The following ZNF777 variants were observed in gnomAD, a reference collection of about 807,000 sequenced individuals.
The protein encoded by ZNF777 is zinc finger protein 777.
ZNF777 carries 7 observed loss-of-function variants against 72.1 expected under a neutral mutation model. The observed-to-expected ratio is 0.10, with a 90% CI of 0.06 to 0.18. ZNF777 has a LOEUF of 0.18. Ranked by LOEUF, ZNF777 falls within the 10% of genes least tolerant of loss-of-function variation. The probability of loss-of-function intolerance (pLI) is 1.00; values close to 1 mark genes in which losing one functional copy is unlikely to be tolerated. For missense variants in ZNF777, 828 were observed against 1,128.6 expected, an observed-to-expected ratio of 0.73 and a Z score of 3.82; for synonymous variants, 545 against 483.5, an observed-to-expected ratio of 1.13 and a Z score of -1.67.
chr7:149,459,721 T>C lies in ZNF777; in HGVS notation c.-16+1094A>G, dbSNP rs1799907492. The C allele has an allele frequency of 2.3e-5, 23 of 985,072 alleles. No individual in the cohort carries two copies. In the South Asian group the frequency reaches 9.9e-4, roughly 42 times the overall value. 61.0% of individuals were successfully genotyped at this position (985,072 alleles called of 1,614,324 possible). A position where few individuals can be genotyped will look rare whatever the true frequency, so the allele number is the denominator to read the frequency against. ...GGTGTCTGTGCCTCAGTGTCTCCGT[T>C]CTGCGAAATGGGAGAGCCGCGTCAG... On this transcript the variant is annotated intron_variant, in intron 1 of 5. Transcript: ENST00000247930.
Position 149,436,577 on chromosome 7 carries a change from G to T in ZNF777, c.1337C>A (p.Thr446Lys). Residue 446 changes from threonine (T) to lysine (K), a missense_variant and splice_region_variant, in exon 5 of 6, where the codon ACG becomes AAG. Physicochemically the swap from Thr to Lys is moderately conservative, Grantham distance 78. This residue lies in a region of ZNF777 where 219 missense variants were observed against 223.0 expected (regional missense o/e 0.98). Coordinates refer to ENST00000247930, the MANE Select transcript of ZNF777 (RefSeq NM_015694.3). This position sits in a 1 kb window ranked among gnomAD's most constrained non-coding sequence, Gnocchi z 5.0. ...GGCCGTCCCCGCCCAGCACTCACCC[G>T]TGCAGTTCCTCTGCTGCACCAGCAT... The part of the protein sequence containing the change: ...KQMLVQQRNC[T>K]EGIVIKTEEQ... 4 of 1,600,998 alleles carry T rather than the reference G, an allele frequency of 2.5e-6. No individual in the cohort carries two copies. In the South Asian group the frequency reaches 3.3e-5, roughly 13 times the overall value.
rs1799408793 is a variant in ZNF777 at position 149,436,243 on chromosome 7, GA to G, written c.1339+331del. Among the ~76,000 whole-genome samples the G allele has an allele frequency of 6.6e-6, 1 of 152,176 alleles. No individual in the cohort carries two copies. ...TATGAGATGATCAAGGACACGTTGG[GA>G]GAGTTCTAGCTTTGCCACTCTCTGT... On this transcript the variant is annotated intron_variant, in intron 5 of 5. Coordinates refer to ENST00000247930, the MANE Select transcript of ZNF777 (RefSeq NM_015694.3). This position sits in a 1 kb window ranked among gnomAD's most constrained non-coding sequence, Gnocchi z 5.0.
rs1466370578 is a variant in ZNF777, at chr7:149,460,478, G to C, written c.-16+337C>G. Among the ~76,000 whole-genome samples the C allele has an allele frequency of 6.7e-6, 1 of 149,024 alleles. No homozygotes were observed. The highest frequency in any genetic ancestry group is 2.4e-5 in the African/African-American group (1 of 41,050). ...CCGGCCCGCGCGCCGCCCCTCTGCG[G>C]CCGCGGCTGGGACCCCAGCTCCGGC... On this transcript the variant is annotated intron_variant, in intron 1 of 5. Coordinates refer to ENST00000247930, the MANE Select transcript of ZNF777 (RefSeq NM_015694.3). This position sits in a 1 kb window ranked among gnomAD's most constrained non-coding sequence, Gnocchi z 6.1.
Position 149,436,621 on chromosome 7 carries a change from C to G in ZNF777, c.1293G>C (p.Glu431Asp), listed in dbSNP as rs1345190910. ...CCAGCATCTGCTTCAGTTCGCTGAA[C>G]TCGCTGGAGCCTTCCGTGGACTCCT... The part of the protein sequence containing the change: ...TLEESTEGSS[E>D]FSELKQMLVQ... The change falls in exon 5 of 6, where the codon GAG becomes GAC. Residue 431 changes from glutamate (E) to aspartate (D), a missense_variant. Around this residue, in one of 12 missense-constraint regions of ZNF777, gnomAD observed 219 missense variants for 223.0 expected, o/e 0.98. Coordinates refer to ENST00000247930, the MANE Select transcript of ZNF777 (RefSeq NM_015694.3). The surrounding 1 kb of genome is among the most constrained non-coding windows in gnomAD (Gnocchi z 5.0). The G allele has an allele frequency of 6.2e-7, 1 of 1,612,562 alleles. No individual in the cohort carries two copies. Among genetic ancestry groups the G allele is most frequent in the Non-Finnish European group, 8.5e-7 (1 of 1,179,444 alleles).
At chr7:149,453,218 G>C (rs1380914447) in intron 3 of ZNF777, among the ~76,000 whole-genome samples, 1 of 151,922 alleles carries the variant, frequency 6.6e-6, no homozygotes. Flanking sequence ...AATGGGTGGT[G>C]GTTGCTCTTA....
At chr7:149,458,502 GAAACA>G (rs59457062) in intron 1 of ZNF777, among the ~76,000 whole-genome samples, 8,473 of 149,294 alleles carry the variant, frequency 0.057, 509 homozygotes, top group African/African-American at 0.16. Context: ...CTGAAACAAT[GAAACA>G]AAACAAAACA....
intron 5 of ZNF777, among the ~76,000 whole-genome samples, chr7:149,434,342 A>T (rs932357927): frequency 3.9e-5 from 6 of 152,114 alleles, no homozygotes; most frequent in Non-Finnish European, 7.4e-5. Context: ...TAAAATTAGG[A>T]CACAGGTGTG....
chr7:149,446,276 C>G (rs771932059), intron 4 of ZNF777, among the ~76,000 whole-genome samples: 18 of 151,876 alleles, frequency 1.2e-4, no homozygotes, highest in Non-Finnish European at 2.1e-4. Context: ...CTGGGGAGGC[C>G]GAGGCGGGAA....
In ZNF777 at chr7:149,432,006, C is replaced by A; in HGVS notation, c.2266G>T (p.Gly756Cys). The A allele has an allele frequency of 6.2e-7, 1 of 1,610,424 alleles. No homozygotes were observed. ...RERPHACPEC[G>C]KSFIRKHHLL... ...TGGTGCTTGCGGATGAAGCTCTTGC[C>A]GCACTCGGGGCAGGCGTGCGGCCGC... The change falls in exon 6 of 6, where the codon GGC (glycine) becomes TGC (cysteine). Residue 756 changes from glycine (G) to cysteine (C), a missense_variant. Transcript: ENST00000247930.
In ZNF777 at chr7:149,450,964, GA is replaced by G. The variant is rs773606849; in HGVS notation, c.1087+34del. On this transcript the variant is annotated intron_variant, in intron 4 of 5. Coordinates refer to ENST00000247930, the MANE Select transcript of ZNF777 (RefSeq NM_015694.3). ...CGCTTCCTGAGTACTGAAAGATCTA[GA>G]ATGCAGAGCTGCAGATCACCCTTAG... The G allele has an allele frequency of 1.9e-6, 3 of 1,566,748 alleles. No individual in the cohort carries two copies. The East Asian group carries it at 6.7e-5, about 35-fold the overall frequency.
rs529115231 is a variant in ZNF777 at position 149,439,608 on chromosome 7, T to C, written c.1088-2782A>G. On this transcript the variant is annotated intron_variant, in intron 4 of 5. Transcript: ENST00000247930. ...CATTCCTTTTCACCTTGAACTTCTA[T>C]TTCTATTCCCACTTTGCCCACAGAA... is the stretch of plus-strand genomic sequence containing the variant. Among the ~76,000 whole-genome samples the C allele has an allele frequency of 3.3e-5, 5 of 152,358 alleles. No homozygotes were observed. In the South Asian group the frequency reaches 1.0e-3, roughly 32 times the overall value.
chr7:149,440,955 C>T (rs1227681250), intron 4 of ZNF777, among the ~76,000 whole-genome samples: 5 of 152,150 alleles, frequency 3.3e-5, no homozygotes, highest in Non-Finnish European at 2.9e-5. Flanking sequence ...CTCTTCAGTG[C>T]TCTCAGCTGG....
At chr7:149,437,652 A>AT (rs1799436708) in intron 4 of ZNF777, among the ~76,000 whole-genome samples, 1 of 151,930 alleles carries the variant, frequency 6.6e-6, no homozygotes, top group African/African-American at 2.4e-5. Flanking sequence ...TTAGTGCAGT[A>AT]TTTTTTTCCA....
At chr7:149,450,854 C>T (rs532048909) in intron 4 of ZNF777, 145 bp downstream of exon 4, 1 of 638,738 alleles carries the variant, frequency 1.6e-6, no homozygotes, top group African/African-American at 1.8e-5. Context: ...CATGGCACTC[C>T]AAAGCAGGTC....
rs935256926 is a variant in ZNF777, at chr7:149,448,173, A to G, written c.1087+2826T>C. On this transcript the variant is annotated intron_variant, in intron 4 of 5. Coordinates refer to ENST00000247930, the MANE Select transcript of ZNF777 (RefSeq NM_015694.3). ...AGAACATTTAAAATATTTAAAATAT[A>G]CTTAAAAATAAGCCAGGTGCAGTGG... is the stretch of plus-strand genomic sequence containing the variant. Among the ~76,000 whole-genome samples the G allele has an allele frequency of 5.9e-5, 9 of 152,232 alleles. No individual in the cohort carries two copies. In the East Asian group the frequency reaches 1.7e-3, roughly 29 times the overall value.
chr7:149,437,678 C>T (rs1271633119), intron 4 of ZNF777, among the ~76,000 whole-genome samples: 2 of 152,054 alleles, frequency 1.3e-5, no homozygotes, highest in Non-Finnish European at 2.9e-5. Context: ...TCTGCCTTCC[C>T]CTTCCCTTAC....
intron 5 of ZNF777, among the ~76,000 whole-genome samples, chr7:149,434,373 T>C (rs1381326319): frequency 1.3e-5 from 2 of 152,118 alleles, no homozygotes; most frequent in African/African-American, 2.4e-5. Context: ...GCTGCCTCAG[T>C]AGTGTTAGGA....
At chr7:149,449,375 T>C (rs1219477062) in intron 4 of ZNF777, among the ~76,000 whole-genome samples, 1 of 152,170 alleles carries the variant, frequency 6.6e-6, no homozygotes, top group Non-Finnish European at 1.5e-5. Context: ...CAGGACCGAA[T>C]GGATTTGGGT....
intron 1 of ZNF777, among the ~76,000 whole-genome samples, chr7:149,456,489 T>C (rs1235317783): frequency 6.6e-6 from 1 of 152,212 alleles, no homozygotes; most frequent in Non-Finnish European, 1.5e-5. Context: ...CTACCTGAGT[T>C]GTTGAAGCAC....
Sources: gnomAD v4.1 joint callset for allele counts (sites outside exome capture counted in the v4.1 genomes callset) on GRCh38, gnomAD v4.1.1 for gene constraint, gnomAD v4.1.1 regional missense constraint, Gnocchi (gnomAD v3.1) non-coding constraint, MANE v1.5 for transcripts, NCBI Gene and HGNC (gene_info 2026-07-23, HGNC 2026-07-21) for gene names.